Variants in GDI2 observed in about 807,000 individuals in gnomAD.
GDI2 encodes the protein GDP dissociation inhibitor 2.
A neutral mutation model predicts 54.2 loss-of-function variants in GDI2; 22 were observed. The observed-to-expected ratio is 0.41, with a 90% confidence interval of 0.29 to 0.58. The LOEUF (loss-of-function observed/expected upper bound fraction) is 0.58. Ranked by LOEUF, GDI2 falls within the 20% of genes least tolerant of loss-of-function variation. The pLI, the probability that GDI2 is intolerant of heterozygous loss-of-function variation, is 0.35. For missense variants in GDI2, 422 were observed against 546.0 expected (o/e 0.77, Z 2.26); for synonymous variants, 177 against 182.1 (o/e 0.97, Z 0.23).
chr10:5,781,125 AG>A (rs1840744446), intron 6 of GDI2, among the ~76,000 whole-genome samples: 1 of 152,070 alleles, frequency 6.6e-6, no homozygotes, highest in Admixed American at 6.6e-5. Flanking sequence ...TACCTAGAAA[AG>A]GAAGTCTTTC....
intron 1 of GDI2, among the ~76,000 whole-genome samples, chr10:5,802,061 T>C (rs200112246): frequency 9.2e-5 from 14 of 152,150 alleles, no homozygotes; most frequent in East Asian, 1.9e-4. Flanking sequence ...TAGTCATCTT[T>C]TAAACATTGT....
chr10:5,789,870 G>A (rs148164012), intron 4 of GDI2, among the ~76,000 whole-genome samples: 163 of 152,242 alleles, frequency 1.1e-3, no homozygotes, highest in African/African-American at 3.7e-3. Flanking sequence ...TAATAACTCT[G>A]GAGCCACCTT....
At chr10:5,775,283 G>C (rs760450399) in intron 6 of GDI2, among the ~76,000 whole-genome samples, 3 of 152,140 alleles carry the variant, frequency 2.0e-5, no homozygotes, top group Non-Finnish European at 2.9e-5. Flanking sequence ...GCAAAATGCT[G>C]TCTCAAAAAA....
intron 1 of GDI2, among the ~76,000 whole-genome samples, chr10:5,801,714 A>C (rs1841273148): frequency 6.6e-6 from 1 of 151,394 alleles, no homozygotes; most frequent in Non-Finnish European, 1.5e-5. Context: ...AAAAGCATTA[A>C]AAAGTAACTT....
At position 5,765,784 on chromosome 10, in the gene GDI2, G is replaced by T; in HGVS notation, c.*222C>A. 1 of 437,906 alleles carries T rather than the reference G, an allele frequency of 2.3e-6. No individual in the cohort carries two copies. The highest frequency in any genetic ancestry group is 4.0e-5 in the East Asian group (1 of 24,962). 27.1% of individuals were successfully genotyped at this position (437,906 alleles called of 1,614,324 possible). A position where few individuals can be genotyped will look rare whatever the true frequency, so the allele number is the denominator to read the frequency against. ...ACTTCACTAGAAAAAAAAAAAGCCAGTTTGGTTAAATTGAACAGAATGTGG... is the reference window on the plus strand; with the variant it reads ...ACTTCACTAGAAAAAAAAAAAGCCATTTTGGTTAAATTGAACAGAATGTGG... On this transcript the variant is annotated 3_prime_UTR_variant, in exon 11 of 11. Transcript: ENST00000380191.
intron 6 of GDI2, among the ~76,000 whole-genome samples, chr10:5,784,546 G>A (rs887368909): frequency 1.3e-5 from 2 of 152,128 alleles, no homozygotes; most frequent in African/African-American, 4.8e-5. Flanking sequence ...CTTCTCATCT[G>A]GATAGACTAT....
intron 6 of GDI2, among the ~76,000 whole-genome samples, chr10:5,784,642 T>C (rs1840832738): frequency 6.6e-6 from 1 of 152,246 alleles, no homozygotes; most frequent in South Asian, 2.1e-4. Context: ...TGCTCTCCCC[T>C]TTCCCCTAGG....
At chr10:5,804,604 T>C (rs1564399542) in intron 1 of GDI2, among the ~76,000 whole-genome samples, 1 of 152,234 alleles carries the variant, frequency 6.6e-6, no homozygotes, top group Non-Finnish European at 1.5e-5. Context: ...TTTAAGATTC[T>C]TTCATGTTTT....
chr10:5,791,748 A>G (rs890032295), intron 4 of GDI2, among the ~76,000 whole-genome samples: 20 of 72,712 alleles, frequency 2.8e-4, no homozygotes, highest in Admixed American at 1.9e-3. Flanking sequence ...CTCAAAAAAA[A>G]AGAAAAAAAA....
Position 5,786,163 on chromosome 10 carries a change from C to CT in GDI2, c.389-114_389-113insA, listed in dbSNP as rs1315237581. The stretch of plus-strand genomic sequence containing the variant: ...GTTATCAACTGCGGAATGCAGGATG[C>CT]AATTTTTTTTTTTTTTTTTTTTTTT... On this transcript the variant is annotated intron_variant, in intron 4 of 10. Coordinates refer to ENST00000380191, the MANE Select transcript of GDI2 (RefSeq NM_001494.4). 4 of 444,780 alleles carry CT rather than the reference C, an allele frequency of 9.0e-6. No individual in the cohort carries two copies. The African/African-American group carries it at 1.0e-4, about 11-fold the overall frequency. 27.6% of individuals were successfully genotyped at this position (444,780 alleles called of 1,614,324 possible).
At position 5,774,733 on chromosome 10, in the gene GDI2, T is replaced by C. The variant is rs1378190577; in HGVS notation, c.720-792A>G. On this transcript the variant is annotated intron_variant, in intron 6 of 10. Coordinates refer to ENST00000380191, the MANE Select transcript of GDI2 (RefSeq NM_001494.4). The surrounding 1 kb of genome is among the most constrained non-coding windows in gnomAD (Gnocchi z 4.8). ...CTAAAGCCATGCGATGTCTGGGTTTTACTCTGCTTCTTCAACTAAAATCGG... is the reference window on the plus strand; with the variant it reads ...CTAAAGCCATGCGATGTCTGGGTTTCACTCTGCTTCTTCAACTAAAATCGG... 1.3e-5 allele frequency among the ~76,000 whole-genome samples: 2 copies of C among 152,136 alleles called. No homozygotes were observed.
At chr10:5,804,718 A>C (rs1043677833) in intron 1 of GDI2, among the ~76,000 whole-genome samples, 1 of 152,174 alleles carries the variant, frequency 6.6e-6, no homozygotes, top group African/African-American at 2.4e-5. Flanking sequence ...GTAAATACCC[A>C]TATCTGTTCA....
chr10:5,790,836 G>C (rs570686393), intron 4 of GDI2, among the ~76,000 whole-genome samples: 1 of 152,122 alleles, frequency 6.6e-6, no homozygotes, highest in East Asian at 1.9e-4. Flanking sequence ...TTTTAATGTT[G>C]GTATTTTGAC....
At chr10:5,801,566 T>C (rs1210729272) in intron 1 of GDI2, among the ~76,000 whole-genome samples, 2 of 151,742 alleles carry the variant, frequency 1.3e-5, no homozygotes, top group Non-Finnish European at 2.9e-5. Flanking sequence ...ATCCTAGCTA[T>C]TCAAGAGGCC....
chr10:5,766,066 TC>T lies in GDI2; in HGVS notation c.1277del (p.Gly426AspfsTer9). ...DIKNIYKRMTGSEFDFEEMKR... is the reference protein window; with the variant it reads ...DIKNIYKRMTXSEFDFEEMKR... ...TCATTTCCTCAAAGTCAAACTCTGA[TC>T]CTGTCATCCTCTTATAGATGTTTTT... On this transcript the variant is annotated frameshift_variant, in exon 11 of 11. Transcript: ENST00000380191. LOFTEE classifies it high-confidence loss of function. The surrounding 1 kb of genome is among the most constrained non-coding windows in gnomAD (Gnocchi z 5.8). 6.3e-7 allele frequency: 1 copy of T among 1,599,842 alleles called. No homozygotes were observed. The highest frequency in any genetic ancestry group is 8.5e-7 in the Non-Finnish European group (1 of 1,176,342).
At chr10:5,812,951 G>A (rs551270619) in intron 1 of GDI2, among the ~76,000 whole-genome samples, 21 of 152,306 alleles carry the variant, frequency 1.4e-4, no homozygotes, top group African/African-American at 5.1e-4. Context: ...CGCAGAGGCC[G>A]GGCTCGGCCG....
Position 5,800,549 on chromosome 10 carries a change from G to C in GDI2, c.153+49C>G, listed in dbSNP as rs573458185. On this transcript the variant is annotated intron_variant, in intron 2 of 10. Coordinates refer to ENST00000380191, the MANE Select transcript of GDI2 (RefSeq NM_001494.4). Reference sequence around the variant, plus strand: ...AGGAATAAGGTAGAGATTCACAAGTGAAATACTCACAAAGTGTGAGAGGCG... The same window carrying C: ...AGGAATAAGGTAGAGATTCACAAGTCAAATACTCACAAAGTGTGAGAGGCG... The C allele has an allele frequency of 3.4e-6, 3 of 873,402 alleles. No individual in the cohort carries two copies. The East Asian group carries it at 7.2e-5, about 21-fold the overall frequency. The allele number at this position is 873,402 out of a possible 1,614,324, so 54.1% of individuals were successfully genotyped here.
At chr10:5,813,127 G>C (rs1445626953) in intron 1 of GDI2, 87 bp downstream of exon 1, 2 of 771,060 alleles carry the variant, frequency 2.6e-6, no homozygotes, top group Non-Finnish European at 4.0e-6. Flanking sequence ...CGAGACCCCC[G>C]AGGAGCTGCG....
Position 5,794,172 on chromosome 10 carries a change from G to GAAAA in GDI2, c.388+709_388+712dup, listed in dbSNP as rs1256206663. Among the ~76,000 whole-genome samples, 44 of 27,960 alleles carry GAAAA rather than the reference G, an allele frequency of 1.6e-3. 5 individuals carry two copies. The highest frequency in any genetic ancestry group is 2.1e-3 in the Non-Finnish European group (32 of 15,330). 18.3% of individuals were successfully genotyped at this position (27,960 alleles called of 152,430 possible). A position where few individuals can be genotyped will look rare whatever the true frequency, so the allele number is the denominator to read the frequency against. On this transcript the variant is annotated intron_variant, in intron 4 of 10. Coordinates refer to ENST00000380191, the MANE Select transcript of GDI2 (RefSeq NM_001494.4). ...ACAGAGCGAGACTCTGTCTTTAAAA[G>GAAAA]AAAAAAAAAAAAAAAAATATATATA...
Sources: gnomAD v4.1 joint callset for allele counts (sites outside exome capture counted in the v4.1 genomes callset) on GRCh38, gnomAD v4.1.1 for gene constraint, Gnocchi (gnomAD v3.1) non-coding constraint, MANE v1.5 for transcripts, NCBI Gene and HGNC (gene_info 2026-07-23, HGNC 2026-07-21) for gene names.